VRK2: variants seen among roughly 807,000 people sequenced by gnomAD.
The protein encoded by VRK2 is VRK serine/threonine kinase 2.
A neutral mutation model predicts 57.6 loss-of-function variants in VRK2; 60 were observed. The observed-to-expected ratio is 1.04, with a 90% CI of 0.85 to 1.29. VRK2 has a LOEUF of 1.29. VRK2 is among the 50% of genes most tolerant of loss of function. The pLI, the probability that VRK2 is intolerant of heterozygous loss-of-function variation, is 0.00. For synonymous variants in VRK2, 231 were observed against 199.2 expected (o/e 1.16, Z -1.35); for missense variants, 705 against 588.1 (o/e 1.20, Z -2.06).
chr2:58,002,017 T>C (rs1367089787), intron 1 of VRK2, among the ~76,000 whole-genome samples: 1 of 152,118 alleles, frequency 6.6e-6, no homozygotes, highest in Non-Finnish European at 1.5e-5. Flanking sequence ...AGAATCTAAA[T>C]AATGGTTGAA....
At chr2:58,097,647 T>C (rs1337921469) in intron 7 of VRK2, among the ~76,000 whole-genome samples, 2 of 152,276 alleles carry the variant, frequency 1.3e-5, no homozygotes, top group East Asian at 3.9e-4. Flanking sequence ...AAGATTATAT[T>C]GGAGCTGGAA....
intron 7 of VRK2, among the ~76,000 whole-genome samples, chr2:58,115,508 A>G (rs928343414): frequency 7.9e-5 from 12 of 152,116 alleles, no homozygotes; most frequent in Non-Finnish European, 1.6e-4. Context: ...CAGCCGCTGC[A>G]TGCAGACATG....
At chr2:57,913,513 A>G (rs754914982) in intron 1 of VRK2, among the ~76,000 whole-genome samples, 3 of 152,136 alleles carry the variant, frequency 2.0e-5, no homozygotes, top group Non-Finnish European at 2.9e-5. Flanking sequence ...ACTAAATTAC[A>G]GAGGAATAAA....
At chr2:58,038,940 T>C (rs770319231) in intron 3 of VRK2, among the ~76,000 whole-genome samples, 2 of 152,062 alleles carry the variant, frequency 1.3e-5, no homozygotes, top group Non-Finnish European at 2.9e-5. Flanking sequence ...AAAAAAACCC[T>C]AAATATCCAT....
At chr2:58,137,255 T>TATATATCTTATATATGATAC (rs1680675560) in intron 10 of VRK2, among the ~76,000 whole-genome samples, 3 of 21,028 alleles carry the variant, frequency 1.4e-4, no homozygotes, top group African/African-American at 2.4e-4. Flanking sequence ...ATATATGATA[T>TATATATCTTATATATGATAC]ATATGATATA....
chr2:58,063,993 A>G (rs558587626), intron 2 of VRK2, among the ~76,000 whole-genome samples: 3 of 152,270 alleles, frequency 2.0e-5, no homozygotes, highest in Non-Finnish European at 4.4e-5. Flanking sequence ...AGAAATTGCA[A>G]GAGAACTGGA....
chr2:58,041,233 A>C (rs958181867), intron 3 of VRK2, among the ~76,000 whole-genome samples: 1 of 152,202 alleles, frequency 6.6e-6, no homozygotes, highest in Non-Finnish European at 1.5e-5. Flanking sequence ...ACATATTTAC[A>C]TTTACATTTT....
chr2:58,152,757 G>A (rs1683258374), intron 12 of VRK2, among the ~76,000 whole-genome samples: 1 of 151,572 alleles, frequency 6.6e-6, no homozygotes, highest in African/African-American at 2.4e-5. Context: ...TTATTTTGAA[G>A]TAACTGTAGA....
At chr2:57,962,068 C>T (rs972948047) in intron 1 of VRK2, among the ~76,000 whole-genome samples, 1 of 152,158 alleles carries the variant, frequency 6.6e-6, no homozygotes, top group Non-Finnish European at 1.5e-5. Flanking sequence ...CAGAGTGAGA[C>T]TTGTCTCTAA....
At chr2:58,017,495 A>T (rs1305782982) in intron 1 of VRK2, among the ~76,000 whole-genome samples, 1 of 152,180 alleles carries the variant, frequency 6.6e-6, no homozygotes, top group Non-Finnish European at 1.5e-5. Flanking sequence ...TTGTAGGGGC[A>T]ATTTTCTCCG....
chr2:58,127,318 C>G (rs1004711684), intron 8 of VRK2, among the ~76,000 whole-genome samples: 1 of 152,048 alleles, frequency 6.6e-6, no homozygotes, highest in African/African-American at 2.4e-5. Context: ...TTACGCAATA[C>G]TTATGTCTTG....
chr2:58,142,300 C>A (rs1681464657), intron 11 of VRK2, among the ~76,000 whole-genome samples: 1 of 150,956 alleles, frequency 6.6e-6, no homozygotes, highest in Non-Finnish European at 1.5e-5. Context: ...ACCAAACTTA[C>A]ATCACCTTTT....
intron 1 of VRK2, among the ~76,000 whole-genome samples, chr2:57,924,632 G>A (rs1407148846): frequency 6.6e-6 from 1 of 151,808 alleles, no homozygotes; most frequent in African/African-American, 2.4e-5. Context: ...TCAAATATAA[G>A]ATCACATCAT....
intron 1 of VRK2, among the ~76,000 whole-genome samples, chr2:57,934,365 T>A (rs987250542): frequency 1.3e-5 from 2 of 152,208 alleles, no homozygotes. Flanking sequence ...CTGAAGGACA[T>A]CTTTGCCAGG....
At chr2:57,974,729 C>G (rs922408999) in intron 1 of VRK2, among the ~76,000 whole-genome samples, 1 of 151,536 alleles carries the variant, frequency 6.6e-6, no homozygotes, top group African/African-American at 2.4e-5. Flanking sequence ...AACTGTAAAA[C>G]TAGAAAACAT....
intron 1 of VRK2, among the ~76,000 whole-genome samples, chr2:57,937,312 T>C (rs1670946492): frequency 6.6e-6 from 1 of 152,234 alleles, no homozygotes; most frequent in Non-Finnish European, 1.5e-5. Flanking sequence ...CCTCATGCTC[T>C]TGAAATGCAT....
chr2:58,097,425 G>A (rs1292070368), intron 7 of VRK2, among the ~76,000 whole-genome samples: 1 of 151,658 alleles, frequency 6.6e-6, no homozygotes, highest in East Asian at 1.9e-4. Flanking sequence ...GGGGGAGAGG[G>A]ACTATTTATG....
At chr2:58,091,130 T>A (rs1672317009) in intron 7 of VRK2, among the ~76,000 whole-genome samples, 2 of 152,186 alleles carry the variant, frequency 1.3e-5, no homozygotes, top group Non-Finnish European at 2.9e-5. Flanking sequence ...GATACCATAA[T>A]GGTGAATACA....
intron 1 of VRK2, among the ~76,000 whole-genome samples, chr2:57,935,068 G>C (rs1670861467): frequency 6.6e-6 from 1 of 152,134 alleles, no homozygotes; most frequent in Admixed American, 6.5e-5. Flanking sequence ...AAAATTGGTA[G>C]ATCTCCATTT....
Sources: gnomAD v4.1 joint callset for allele counts (sites outside exome capture counted in the v4.1 genomes callset) on GRCh38, gnomAD v4.1.1 for gene constraint, MANE v1.5 for transcripts, NCBI Gene and HGNC (gene_info 2026-07-23, HGNC 2026-07-21) for gene names.